Variants in NDRG2 observed in about 807,000 individuals in gnomAD.
NDRG2 encodes NDRG family member 2.
In NDRG2, 34 loss-of-function variants were observed where a neutral mutation model predicts 58.2. The observed-to-expected ratio is 0.58, with a 90% CI of 0.44 to 0.78. The LOEUF is 0.78. Among genes scored for constraint, NDRG2 ranks in the 30% least tolerant of loss-of-function variants. The pLI, the probability that NDRG2 is intolerant of heterozygous loss-of-function variation, is 0.00. For missense variants in NDRG2, 434 were observed against 471.2 expected (o/e 0.92, Z 0.73); for synonymous variants, 187 against 175.9 (o/e 1.06, Z -0.50).
At chr14:21,064,253 C>T (rs546727987) in intron 1 of NDRG2, among the ~76,000 whole-genome samples, 15 of 151,986 alleles carry the variant, frequency 9.9e-5, no homozygotes, top group Admixed American at 3.3e-4. Context: ...TATAAATTCC[C>T]TAAAATTGAG....
intron 1 of NDRG2, chr14:21,032,697 G>A: frequency 2.8e-6 from 1 of 354,754 alleles, no homozygotes; most frequent in South Asian, 2.1e-5. Flanking sequence ...TGGGACAGAA[G>A]AGCTTACTGA....
At position 21,019,994 on chromosome 14, in the gene NDRG2, G is replaced by A. The variant is rs201823976; in HGVS notation, c.556-18C>T. The A allele has an allele frequency of 1.2e-4, 192 of 1,612,280 alleles. 1 individual carries two copies. The highest frequency in any genetic ancestry group is 1.5e-5 in the Non-Finnish European group (18 of 1,179,340). The stretch of plus-strand genomic sequence containing the variant: ...CCTGTTAGCTATGAGGAGAAGGCAG[G>A]TGAGAAAGTTCAGGGTATTGGCCAG... On this transcript the variant is annotated intron_variant, in intron 8 of 15. Transcript: ENST00000556147.
At chr14:21,034,564 G>T (rs1884490370) in intron 1 of NDRG2, 1 of 404,860 alleles carries the variant, frequency 2.5e-6, no homozygotes, top group Admixed American at 4.0e-5. Context: ...GCTCTAACTG[G>T]TCCTTGGGTG....
In NDRG2 at chr14:21,046,563, A is replaced by ATACC. The variant is rs1885167805; in HGVS notation, c.25-23243_25-23242insGGTA. On this transcript the variant is annotated intron_variant, in intron 1 of 14. Coordinates refer to the NDRG2 transcript ENST00000403829. ...AACAAATACATACATACATACATACATACATACATACATACATACATACAT... is the reference window on the plus strand; with the variant it reads ...AACAAATACATACATACATACATACATACCTACATACATACATACATACATACAT... 1.0e-4 allele frequency among the ~76,000 whole-genome samples: 15 copies of ATACC among 150,046 alleles called. No individual in the cohort carries two copies. In the South Asian group the frequency reaches 2.7e-3, roughly 27 times the overall value.
intron 1 of NDRG2, among the ~76,000 whole-genome samples, chr14:21,048,871 A>G (rs1885332290): frequency 6.6e-6 from 1 of 152,202 alleles, no homozygotes. Flanking sequence ...AGCCAAGAGT[A>G]GATAAGGGAA....
chr14:21,018,697 C>G, intron 12 of NDRG2, 66 bp downstream of exon 12: 4 of 1,608,862 alleles, frequency 2.5e-6, no homozygotes, highest in Non-Finnish European at 3.4e-6. Context: ...TGGCAAGATA[C>G]TCTTCTGACC....
intron 1 of NDRG2, among the ~76,000 whole-genome samples, chr14:21,040,225 C>T (rs1884826804): frequency 1.3e-5 from 2 of 152,190 alleles, no homozygotes; most frequent in South Asian, 2.1e-4. Context: ...TGAGGACAAA[C>T]CAGAAGAGCC....
intron 1 of NDRG2, among the ~76,000 whole-genome samples, chr14:21,046,345 T>G (rs1473630562): frequency 6.6e-6 from 1 of 152,100 alleles, no homozygotes. Flanking sequence ...GGCAACATAG[T>G]GAAACCCCAT....
intron 1 of NDRG2, among the ~76,000 whole-genome samples, chr14:21,059,028 G>A (rs1226142056): frequency 1.3e-5 from 2 of 152,262 alleles, no homozygotes; most frequent in African/African-American, 4.8e-5. Flanking sequence ...GCTTGATTCT[G>A]TCCTCCAGCC....
chr14:21,067,571 C>T (rs189350927), intron 1 of NDRG2, among the ~76,000 whole-genome samples: 34 of 152,258 alleles, frequency 2.2e-4, no homozygotes, highest in East Asian at 3.9e-4. Flanking sequence ...GCAATTTCTT[C>T]TGTAAAACAG....
At position 21,070,815 on chromosome 14, in the gene NDRG2, C is replaced by G. The variant is rs1195302452; in HGVS notation, c.24+13G>C. 3.3e-5 allele frequency: 51 copies of G among 1,535,532 alleles called. No homozygotes were observed. The highest frequency in any genetic ancestry group is 4.2e-5 in the Non-Finnish European group (48 of 1,146,888). On this transcript the variant is annotated intron_variant, in intron 1 of 14. Transcript: ENST00000403829. The surrounding 1 kb of genome is among the most constrained non-coding windows in gnomAD (Gnocchi z 4.7). ...CTGGAAGAGGCCCGGCCCCTCGGGT[C>G]ATGAGAACTGACCTGCATGGAACCA...
At chr14:21,049,580 GT>G (rs1213075891) in intron 1 of NDRG2, among the ~76,000 whole-genome samples, 1 of 151,906 alleles carries the variant, frequency 6.6e-6, no homozygotes, top group Admixed American at 6.6e-5. Flanking sequence ...ATCTTGTCCA[GT>G]GTTCTCGGAG....
chr14:21,052,952 G>T (rs775366325), intron 1 of NDRG2, among the ~76,000 whole-genome samples: 25 of 152,180 alleles, frequency 1.6e-4, no homozygotes, highest in Non-Finnish European at 3.2e-4. Flanking sequence ...CTTTGATCAT[G>T]CTAAGTATTC....
chr14:21,022,014 T>C (rs1265410290), intron 5 of NDRG2, 48 bp downstream of exon 5: 4 of 1,613,794 alleles, frequency 2.5e-6, no homozygotes, highest in East Asian at 2.2e-5. Flanking sequence ...TTCCCGCACC[T>C]GTCCTGTTCC....
At chr14:21,038,511 C>T (rs1365093706) in intron 1 of NDRG2, among the ~76,000 whole-genome samples, 1 of 152,128 alleles carries the variant, frequency 6.6e-6, no homozygotes, top group Non-Finnish European at 1.5e-5. Context: ...CCTGAAGGGT[C>T]ACCCTGGCTT....
Position 21,023,252 on chromosome 14 carries a change from CA to C in NDRG2, c.63del (p.Glu22ArgfsTer8). 6.2e-7 allele frequency: 1 copy of C among 1,613,958 alleles called. No individual in the cohort carries two copies. Among genetic ancestry groups the C allele is most frequent in the Non-Finnish European group, 8.5e-7 (1 of 1,179,916 alleles). On this transcript the variant is annotated frameshift_variant, in exon 2 of 16. Coordinates refer to ENST00000556147, the MANE Select transcript of NDRG2 (RefSeq NM_001320329.2). LOFTEE classifies it high-confidence loss of function. ...EEKPLLPGQTPEAAKEAELAA... is the reference protein window; with the variant it reads ...EEKPLLPGQTXEAAKEAELAA... ...CGGTCTCTAATAACCTTGGCCGCCTCAGGCGTCTGTCCTGGCAACAGTGGCT... is the reference window on the plus strand; with the variant it reads ...CGGTCTCTAATAACCTTGGCCGCCTCGGCGTCTGTCCTGGCAACAGTGGCT...
chr14:21,046,463 G>C (rs986106104), intron 1 of NDRG2, among the ~76,000 whole-genome samples: 2 of 65,264 alleles, frequency 3.1e-5, no homozygotes. Flanking sequence ...TGAGGCTGCA[G>C]TGAGCCATGA....
chr14:21,022,864 C>T lies in NDRG2; in HGVS notation c.117G>A (p.Gln39=), dbSNP rs1429644311. 2 of 1,613,652 alleles carry T rather than the reference C, an allele frequency of 1.2e-6. No homozygotes were observed. Among genetic ancestry groups the T allele is most frequent in the Middle Eastern group, 1.6e-4 (1 of 6,062 alleles). ...LAARILLDQG[Q]THSVETPYGS... is the part of the protein sequence containing the mutation. ...CTTGGGACTGCCCCCACACTGTTACCTGTCCCTGGTCCAGGAGGATTCGGG... is the reference window on the plus strand; with the variant it reads ...CTTGGGACTGCCCCCACACTGTTACTTGTCCCTGGTCCAGGAGGATTCGGG... The change falls in exon 3 of 16, where the codon CAG becomes CAA. Residue 39 remains glutamine, a splice_region_variant and synonymous_variant. Transcript: ENST00000556147.
At chr14:21,039,369 G>A (rs1440253421) in intron 1 of NDRG2, among the ~76,000 whole-genome samples, 1 of 152,198 alleles carries the variant, frequency 6.6e-6, no homozygotes, top group Non-Finnish European at 1.5e-5. Flanking sequence ...GGTAGAGATT[G>A]CTGGTGTAAG....
Sources: gnomAD v4.1 joint callset for allele counts (sites outside exome capture counted in the v4.1 genomes callset) on GRCh38, gnomAD v4.1.1 for gene constraint, Gnocchi (gnomAD v3.1) non-coding constraint, MANE v1.5 for transcripts, NCBI Gene and HGNC (gene_info 2026-07-23, HGNC 2026-07-21) for gene names.